The following LHFPL3 variants were observed in gnomAD, a reference collection of about 807,000 sequenced individuals.
LHFPL3 encodes LHFPL tetraspan subfamily member 3.
Under a neutral mutation model 19.3 loss-of-function variants are expected in LHFPL3, and 5 were observed. That is an observed-to-expected ratio of 0.26 (90% CI 0.14 to 0.54). The LOEUF (loss-of-function observed/expected upper bound fraction) is 0.54. Among genes scored for constraint, LHFPL3 ranks in the 20% least tolerant of loss-of-function variants. LHFPL3 has a pLI of 0.94. For synonymous variants in LHFPL3, 133 were observed against 126.2 expected (o/e 1.05, Z -0.36); for missense variants, 249 against 307.4 (o/e 0.81, Z 1.42).
At chr7:104,718,272 T>C (rs1793428237) in intron 1 of LHFPL3, among the ~76,000 whole-genome samples, 1 of 152,160 alleles carries the variant, frequency 6.6e-6, no homozygotes, top group African/African-American at 2.4e-5. Context: ...TGAAATTTTA[T>C]TAAGAGGGTG....
chr7:104,336,973 T>C (rs559224823), intron 1 of LHFPL3, among the ~76,000 whole-genome samples: 1 of 152,284 alleles, frequency 6.6e-6, no homozygotes, highest in South Asian at 2.1e-4. Flanking sequence ...AGATAGGATT[T>C]TGAAGGGGAT....
intron 1 of LHFPL3, among the ~76,000 whole-genome samples, chr7:104,436,358 T>A (rs1392791744): frequency 6.6e-6 from 1 of 152,176 alleles, no homozygotes; most frequent in East Asian, 1.9e-4. Flanking sequence ...TTAATATTCT[T>A]GCTTTTCGTG....
intron 2 of LHFPL3, among the ~76,000 whole-genome samples, chr7:104,905,717 G>A (rs144385430): frequency 2.6e-5 from 4 of 152,280 alleles, no homozygotes; most frequent in African/African-American, 9.6e-5. Context: ...ATAAGGAATG[G>A]AAAGAAATAT....
intron 1 of LHFPL3, among the ~76,000 whole-genome samples, chr7:104,561,738 G>T (rs1204875621): frequency 6.6e-6 from 1 of 151,974 alleles, no homozygotes; most frequent in Non-Finnish European, 1.5e-5. Context: ...ATGTTAGCTG[G>T]TTATTTTGCT....
intron 1 of LHFPL3, among the ~76,000 whole-genome samples, chr7:104,535,396 T>C (rs149821486): frequency 1.0e-3 from 153 of 152,308 alleles, no homozygotes; most frequent in African/African-American, 3.5e-3. Context: ...TTCCAAGGCA[T>C]TCAGAACTGT....
intron 1 of LHFPL3, among the ~76,000 whole-genome samples, chr7:104,444,934 G>A (rs988242689): frequency 5.3e-5 from 8 of 151,884 alleles, no homozygotes; most frequent in Admixed American, 5.2e-4. Context: ...GTTGCGGTGA[G>A]TTGAAATCGC....
intron 2 of LHFPL3, among the ~76,000 whole-genome samples, chr7:104,777,530 C>T (rs1375517694): frequency 6.6e-6 from 1 of 152,212 alleles, no homozygotes; most frequent in Non-Finnish European, 1.5e-5. Flanking sequence ...CTAAGGATGC[C>T]TTTTGGTTGC....
At chr7:104,852,408 C>G (rs536010711) in intron 2 of LHFPL3, among the ~76,000 whole-genome samples, 1 of 152,174 alleles carries the variant, frequency 6.6e-6, no homozygotes, top group Admixed American at 6.5e-5. Context: ...GGAGGAGGGC[C>G]ATGCTGAAAG....
At chr7:104,439,509 A>T (rs377590803) in intron 1 of LHFPL3, among the ~76,000 whole-genome samples, 2 of 152,182 alleles carry the variant, frequency 1.3e-5, no homozygotes, top group Non-Finnish European at 2.9e-5. Flanking sequence ...AAATCATACA[A>T]TGTAACTTAT....
At chr7:104,498,327 A>C (rs1028514959) in intron 1 of LHFPL3, among the ~76,000 whole-genome samples, 1 of 152,108 alleles carries the variant, frequency 6.6e-6, no homozygotes, top group African/African-American at 2.4e-5. Context: ...AGTTCTATCA[A>C]ACTGTCTGCA....
intron 1 of LHFPL3, among the ~76,000 whole-genome samples, chr7:104,390,592 A>G (rs1241761220): frequency 1.3e-5 from 2 of 152,180 alleles, no homozygotes; most frequent in Admixed American, 6.5e-5. Flanking sequence ...ACTGGTGGAC[A>G]TTTGGGTTGG....
intron 1 of LHFPL3, among the ~76,000 whole-genome samples, chr7:104,681,015 T>C (rs1792685349): frequency 6.6e-6 from 1 of 152,210 alleles, no homozygotes. Context: ...GAAGTAAATA[T>C]ATATTTGAAC....
At chr7:104,516,895 T>G (rs918410637) in intron 1 of LHFPL3, among the ~76,000 whole-genome samples, 13 of 152,184 alleles carry the variant, frequency 8.5e-5, no homozygotes, top group Non-Finnish European at 2.9e-5. Flanking sequence ...GGAATCAACC[T>G]GAATGCCCAT....
intron 1 of LHFPL3, among the ~76,000 whole-genome samples, chr7:104,401,133 G>A (rs748983998): frequency 2.0e-5 from 3 of 151,206 alleles, no homozygotes; most frequent in Non-Finnish European, 4.4e-5. Flanking sequence ...TTTTGTAATG[G>A]GAAGTAGCAC....
chr7:104,543,776 GA>G (rs1794531313), intron 1 of LHFPL3, among the ~76,000 whole-genome samples: 1 of 85,782 alleles, frequency 1.2e-5, no homozygotes, highest in African/African-American at 4.5e-5. Context: ...GGGGTGGGGG[GA>G]GGGGGGAGGG....
chr7:104,715,396 T>A (rs908333149), intron 1 of LHFPL3, among the ~76,000 whole-genome samples: 7 of 152,196 alleles, frequency 4.6e-5, no homozygotes, highest in African/African-American at 1.7e-4. Flanking sequence ...TTTTTACCAT[T>A]TGAAGTTTTA....
At chr7:104,470,250 T>C (rs1367376998) in intron 1 of LHFPL3, among the ~76,000 whole-genome samples, 1 of 152,232 alleles carries the variant, frequency 6.6e-6, no homozygotes, top group South Asian at 2.1e-4. Context: ...CTGGCTTTTA[T>C]TGATAATTCT....
At chr7:104,610,997 A>G (rs774800203) in intron 1 of LHFPL3, among the ~76,000 whole-genome samples, 1 of 152,192 alleles carries the variant, frequency 6.6e-6, no homozygotes, top group Non-Finnish European at 1.5e-5. Context: ...GTTGACTCCT[A>G]TGAAGCAATG....
At chr7:104,513,376 T>A (rs74731898) in intron 1 of LHFPL3, among the ~76,000 whole-genome samples, 402 of 152,286 alleles carry the variant, frequency 2.6e-3, no homozygotes, top group African/African-American at 6.9e-3. Flanking sequence ...GGTTGATAAC[T>A]CCCAGCATGG....
Sources: allele counts gnomAD v4.1 joint callset (sites outside exome capture counted in the v4.1 genomes callset), GRCh38; gene constraint gnomAD v4.1.1; transcripts MANE v1.5; gene names NCBI Gene and HGNC (gene_info 2026-07-23, HGNC 2026-07-21).